Variants in GAREM1 observed in about 807,000 individuals in gnomAD.
The protein encoded by GAREM1 is GRB2 associated regulator of MAPK1 subtype 1.
A neutral mutation model predicts 71.3 loss-of-function variants in GAREM1; 26 were observed. That is an observed-to-expected ratio of 0.36 (90% confidence interval 0.27 to 0.51). The LOEUF is 0.51. Ranked by LOEUF, GAREM1 falls within the 20% of genes least tolerant of loss-of-function variation. The pLI, the probability that GAREM1 is intolerant of heterozygous loss-of-function variation, is 0.95. For missense variants in GAREM1, 1,026 were observed against 1,103.1 expected (o/e 0.93, Z 0.99); for synonymous variants, 440 against 433.2 (o/e 1.02, Z -0.20).
chr18:32,334,233 G>A (rs902768821), intron 2 of GAREM1, among the ~76,000 whole-genome samples: 6 of 152,106 alleles, frequency 3.9e-5, no homozygotes, highest in African/African-American at 1.2e-4. Context: ...ATCACACCCC[G>A]AGGGGGGCAC....
At chr18:32,298,450 T>TA (rs1006509679) in intron 3 of GAREM1, among the ~76,000 whole-genome samples, 2 of 152,162 alleles carry the variant, frequency 1.3e-5, no homozygotes, top group African/African-American at 4.8e-5. Context: ...AGTGCTTCCG[T>TA]ATGTGTGTCT....
Position 32,287,285 on chromosome 18 carries a change from C to T in GAREM1, c.1312G>A (p.Ala438Thr). ...GGGATGCCTGCTGATTCTTCACTAG[C>T]TTCTGGGAAAAGGTAGTCGCTCCCA... Reference protein sequence around the residue: ...DSGSDYLFPEASEESAGIPGK... With the variant: ...DSGSDYLFPETSEESAGIPGK... Residue 438 changes from alanine to threonine, a missense_variant, in exon 4 of 6, where the codon GCT (alanine) becomes ACT (threonine). Transcript: ENST00000269209. This position sits in a 1 kb window ranked among gnomAD's most constrained non-coding sequence, Gnocchi z 5.9. 1.2e-6 allele frequency: 2 copies of T among 1,614,210 alleles called. No homozygotes were observed. The highest frequency in any genetic ancestry group is 1.7e-6 in the Non-Finnish European group (2 of 1,180,048).
At chr18:32,420,912 T>C (rs1476369864) in intron 1 of GAREM1, among the ~76,000 whole-genome samples, 1 of 152,194 alleles carries the variant, frequency 6.6e-6, no homozygotes, top group Non-Finnish European at 1.5e-5. Flanking sequence ...TTCTCACTTA[T>C]GCAGCAGCTG....
chr18:32,280,089 T>G (rs1480944238), intron 4 of GAREM1, among the ~76,000 whole-genome samples: 1 of 152,204 alleles, frequency 6.6e-6, no homozygotes, highest in African/African-American at 2.4e-5. Context: ...TATATCTTTT[T>G]GTAGAGCAGT....
intron 2 of GAREM1, among the ~76,000 whole-genome samples, chr18:32,316,060 G>T (rs78666949): frequency 6.6e-6 from 1 of 152,212 alleles, no homozygotes; most frequent in African/African-American, 2.4e-5. Flanking sequence ...TATGGTCATA[G>T]GGTCCATATT....
intron 2 of GAREM1, among the ~76,000 whole-genome samples, chr18:32,329,680 T>A (rs922902973): frequency 3.0e-5 from 4 of 131,212 alleles, no homozygotes; most frequent in African/African-American, 1.2e-4. Flanking sequence ...CACTCCAGCC[T>A]GGGTGACAGA....
intron 2 of GAREM1, among the ~76,000 whole-genome samples, chr18:32,372,534 A>C (rs1423263043): frequency 1.3e-5 from 2 of 152,170 alleles, no homozygotes; most frequent in Admixed American, 6.5e-5. Context: ...GAAAACAAAC[A>C]ACCTTTTAGC....
intron 1 of GAREM1, among the ~76,000 whole-genome samples, chr18:32,450,914 C>T (rs1191146226): frequency 2.0e-5 from 3 of 152,044 alleles, no homozygotes; most frequent in African/African-American, 7.2e-5. Flanking sequence ...CTTTGGAAGG[C>T]TGAGGCAGAA....
intron 2 of GAREM1, among the ~76,000 whole-genome samples, chr18:32,364,009 TATATATATATATATATATG>T (rs1567980610): frequency 5.1e-4 from 26 of 50,518 alleles, no homozygotes; most frequent in African/African-American, 2.6e-3. Context: ...TATATATATA[TATATATATATATATATATG>T]TTTTTTTTTT....
intron 2 of GAREM1, among the ~76,000 whole-genome samples, chr18:32,314,091 T>G (rs985825219): frequency 8.4e-6 from 1 of 119,658 alleles, no homozygotes; most frequent in South Asian, 2.6e-4. Context: ...ACAAAAAAAG[T>G]TTTTTTTTTT....
chr18:32,331,495 T>C (rs1182010012), intron 2 of GAREM1: 1 of 152,272 alleles, frequency 6.6e-6, no homozygotes, highest in Non-Finnish European at 1.5e-5. Flanking sequence ...ATATTAATCC[T>C]GTATATGACA....
intron 3 of GAREM1, among the ~76,000 whole-genome samples, chr18:32,289,683 T>C (rs1387167635): frequency 6.6e-6 from 1 of 152,212 alleles, no homozygotes. Flanking sequence ...GGGGTGACTA[T>C]ACCCACTAGG....
At chr18:32,467,277 C>T (rs1249652014) in intron 1 of GAREM1, among the ~76,000 whole-genome samples, 1 of 152,182 alleles carries the variant, frequency 6.6e-6, no homozygotes, top group Non-Finnish European at 1.5e-5. Context: ...TTGGTGTCTA[C>T]ACTGTTTTTA....
intron 1 of GAREM1, among the ~76,000 whole-genome samples, chr18:32,441,230 T>A (rs922195909): frequency 2.0e-5 from 3 of 152,164 alleles, no homozygotes; most frequent in Non-Finnish European, 4.4e-5. Flanking sequence ...AGACAATATA[T>A]ATTTTAACTA....
At chr18:32,348,831 TATAA>T (rs1317402429) in intron 2 of GAREM1, among the ~76,000 whole-genome samples, 3 of 152,190 alleles carry the variant, frequency 2.0e-5, no homozygotes, top group Non-Finnish European at 4.4e-5. Flanking sequence ...ATGTTTATAA[TATAA>T]ATAATTATGT....
At chr18:32,291,661 A>C in intron 3 of GAREM1, among the ~76,000 whole-genome samples, 1 of 150,624 alleles carries the variant, frequency 6.6e-6, no homozygotes, top group South Asian at 2.1e-4. Flanking sequence ...CCACCCCCCA[A>C]CAGGCCCCGG....
chr18:32,341,975 AGTGAG>A (rs2047651944), intron 2 of GAREM1, among the ~76,000 whole-genome samples: 1 of 152,060 alleles, frequency 6.6e-6, no homozygotes, highest in African/African-American at 2.4e-5. Context: ...AGGATGACAA[AGTGAG>A]GTGGAGAACA....
intron 1 of GAREM1, among the ~76,000 whole-genome samples, chr18:32,395,733 G>A (rs1016601817): frequency 2.0e-5 from 3 of 152,174 alleles, no homozygotes; most frequent in African/African-American, 7.2e-5. Flanking sequence ...CACCACCTAT[G>A]GGGGCAGGGC....
rs1039109190 is a variant in GAREM1 at position 32,353,081 on chromosome 18, A to G, written c.262+39814T>C. 3.3e-5 allele frequency among the ~76,000 whole-genome samples: 5 copies of G among 152,350 alleles called. No homozygotes were observed. In the South Asian group the frequency reaches 1.0e-3, roughly 32 times the overall value. ...TTTTAGATAAGTCAGACGTTAACAG[A>G]TAAGTAAGTTATGTGATTTTCTATT... On this transcript the variant is annotated intron_variant, in intron 2 of 5. Transcript: ENST00000269209.
Sources: allele counts gnomAD v4.1 joint callset (sites outside exome capture counted in the v4.1 genomes callset), GRCh38; gene constraint gnomAD v4.1.1; non-coding constraint Gnocchi (gnomAD v3.1); transcripts MANE v1.5; gene names NCBI Gene and HGNC (gene_info 2026-07-23, HGNC 2026-07-21).